INPP5F: variants seen among roughly 807,000 people sequenced by gnomAD.
INPP5F encodes phosphatidylinositide 4-phosphatase SAC2.
A neutral mutation model predicts 137.2 loss-of-function variants in INPP5F; 97 were observed. That is an observed-to-expected ratio of 0.71 (90% CI 0.60 to 0.84). The LOEUF (loss-of-function observed/expected upper bound fraction) is 0.84. Ranked by LOEUF, INPP5F falls within the 40% of genes least tolerant of loss-of-function variation. The pLI, the probability that INPP5F is intolerant of heterozygous loss-of-function variation, is 0.00. For missense variants in INPP5F, 1,271 were observed against 1,371.9 expected (o/e 0.93, Z 1.16); for synonymous variants, 504 against 476.9 (o/e 1.06, Z -0.74).
rs762025144 is a variant in INPP5F at position 119,781,617 on chromosome 10, A to G, written c.179-18A>G. On this transcript the variant is annotated intron_variant, in intron 2 of 19. Transcript: ENST00000650623. ...CACTCTAAAAACGCCAGACTTTATT[A>G]TGACTCTCCTCTTTCAGATCTTCCA... The G allele has an allele frequency of 2.5e-6, 4 of 1,594,254 alleles. No homozygotes were observed. Among genetic ancestry groups the G allele is most frequent in the Non-Finnish European group, 2.6e-6 (3 of 1,167,748 alleles).
chr10:119,754,657 G>T (rs758737424), intron 2 of INPP5F, among the ~76,000 whole-genome samples: 23 of 152,064 alleles, frequency 1.5e-4, no homozygotes, highest in Non-Finnish European at 2.8e-4. Flanking sequence ...AGAGTCGGGA[G>T]GAAGCAAAGG....
intron 2 of INPP5F, among the ~76,000 whole-genome samples, chr10:119,759,934 C>CCA (rs1848961443): frequency 6.6e-6 from 1 of 152,124 alleles, no homozygotes; most frequent in African/African-American, 2.4e-5. Context: ...TTCAGAATTT[C>CCA]CCACCTCCCT....
At chr10:119,747,781 T>C (rs2134119490) in intron 1 of INPP5F, among the ~76,000 whole-genome samples, 1 of 152,334 alleles carries the variant, frequency 6.6e-6, no homozygotes, top group East Asian at 1.9e-4. Flanking sequence ...TTAAATGTTT[T>C]CTTTGAGGAA....
At chr10:119,740,918 TA>T (rs1323433674) in intron 1 of INPP5F, among the ~76,000 whole-genome samples, 1 of 152,246 alleles carries the variant, frequency 6.6e-6, no homozygotes, top group Non-Finnish European at 1.5e-5. Flanking sequence ...CCTGGAGTTT[TA>T]AATACATACA....
chr10:119,819,365 T>C (rs993842690), intron 15 of INPP5F: 10 of 1,314,278 alleles, frequency 7.6e-6, no homozygotes, highest in Non-Finnish European at 9.8e-6. Flanking sequence ...GTGCTTTTTG[T>C]TAAGGACATA....
rs763685967 is a variant in INPP5F at position 119,828,503 on chromosome 10, A to G, written c.*723A>G. The stretch of plus-strand genomic sequence containing the variant: ...TGTTTTCAGGAATGTAAGAACACCC[A>G]TATTGGCTACTGGAAATTCTAGAAG... On this transcript the variant is annotated 3_prime_UTR_variant, in exon 20 of 20. Coordinates refer to ENST00000650623, the MANE Select transcript of INPP5F (RefSeq NM_014937.4). The G allele has an allele frequency of 2.0e-5, 3 of 152,184 alleles. No individual in the cohort carries two copies. Among genetic ancestry groups the G allele is most frequent in the Admixed American group, 6.5e-5 (1 of 15,282 alleles). 9.4% of individuals were successfully genotyped at this position (152,184 alleles called of 1,614,324 possible). A position where few individuals can be genotyped will look rare whatever the true frequency, so the allele number is the denominator to read the frequency against.
At chr10:119,796,087 G>T (rs1457441363) in intron 6 of INPP5F, among the ~76,000 whole-genome samples, 1 of 149,456 alleles carries the variant, frequency 6.7e-6, no homozygotes, top group Non-Finnish European at 1.5e-5. Flanking sequence ...AGAGGGGGAG[G>T]GGGAGGGGGA....
At chr10:119,754,781 C>T (rs1848789675) in intron 2 of INPP5F, among the ~76,000 whole-genome samples, 1 of 150,958 alleles carries the variant, frequency 6.6e-6, no homozygotes, top group South Asian at 2.1e-4. Context: ...CCTCATCTGT[C>T]CTCAGGGATG....
At chr10:119,743,477 A>G (rs1261388653) in intron 1 of INPP5F, among the ~76,000 whole-genome samples, 8 of 152,154 alleles carry the variant, frequency 5.3e-5, no homozygotes. Flanking sequence ...GGGGATCCAC[A>G]CGAGAGAGTC....
At chr10:119,750,436 G>C (rs1848659805) in intron 1 of INPP5F, among the ~76,000 whole-genome samples, 1 of 152,184 alleles carries the variant, frequency 6.6e-6, no homozygotes, top group Non-Finnish European at 1.5e-5. Flanking sequence ...TGTGTGTCTA[G>C]AATGGAACCA....
chr10:119,827,750 A>C lies in INPP5F; in HGVS notation c.3369A>C (p.Ile1123=), dbSNP rs748288097. 10 of 1,611,568 alleles carry C rather than the reference A, an allele frequency of 6.2e-6. No individual in the cohort carries two copies. Among genetic ancestry groups the C allele is most frequent in the Non-Finnish European group, 8.5e-6 (10 of 1,178,494 alleles). The change falls in exon 20 of 20, where the codon ATA becomes ATC. Residue 1123 remains isoleucine (I), a synonymous_variant. Coordinates refer to ENST00000650623, the MANE Select transcript of INPP5F (RefSeq NM_014937.4). The stretch of plus-strand genomic sequence containing the variant: ...AAAATGAACTTAAAAAGATGTTTAT[A>C]CAATGCCAGACACGGATAATTCAGA... ...VQQNELKKMF[I]QCQTRIIQI
intron 15 of INPP5F, among the ~76,000 whole-genome samples, chr10:119,813,832 T>TA (rs1463002466): frequency 2.0e-5 from 3 of 152,144 alleles, no homozygotes; most frequent in African/African-American, 4.8e-5. Flanking sequence ...CACTGTCTCT[T>TA]AAAAAAAGTC....
chr10:119,793,938 A>C (rs1850235489), intron 6 of INPP5F, among the ~76,000 whole-genome samples: 1 of 152,232 alleles, frequency 6.6e-6, no homozygotes. Context: ...GATCCACTGC[A>C]ACTGACCAGA....
chr10:119,774,597 G>A (rs1849462760), intron 2 of INPP5F, among the ~76,000 whole-genome samples: 1 of 151,688 alleles, frequency 6.6e-6, no homozygotes, highest in African/African-American at 2.4e-5. Context: ...GCCTCCCAAA[G>A]TGCTGGAAGT....
chr10:119,812,441 G>A (rs1851081265), intron 15 of INPP5F, among the ~76,000 whole-genome samples: 1 of 150,896 alleles, frequency 6.6e-6, no homozygotes, highest in Admixed American at 6.6e-5. Context: ...ATGAATAGTG[G>A]GATCTAAATT....
At chr10:119,759,220 CG>C (rs1418270756) in intron 2 of INPP5F, among the ~76,000 whole-genome samples, 3 of 152,156 alleles carry the variant, frequency 2.0e-5, no homozygotes, top group African/African-American at 7.2e-5. Flanking sequence ...AGGGTTTTGC[CG>C]TGTTGCTCAG....
intron 16 of INPP5F, among the ~76,000 whole-genome samples, chr10:119,821,768 G>T (rs1016060807): frequency 6.6e-6 from 1 of 151,322 alleles, no homozygotes; most frequent in Non-Finnish European, 1.5e-5. Flanking sequence ...GTGTGCACAC[G>T]CGCGCGCATG....
chr10:119,794,925 T>C (rs868766144), intron 6 of INPP5F, among the ~76,000 whole-genome samples: 69 of 69,412 alleles, frequency 9.9e-4, no homozygotes, highest in African/African-American at 1.4e-3. Context: ...CCCTCCCGGA[T>C]GGGGCGGCTG....
chr10:119,808,512 G>C (rs930557993), intron 13 of INPP5F, among the ~76,000 whole-genome samples: 1 of 152,152 alleles, frequency 6.6e-6, no homozygotes, highest in African/African-American at 2.4e-5. Flanking sequence ...TGTCACACAG[G>C]AATTATACTA....
Sources: gnomAD v4.1 joint callset for allele counts (sites outside exome capture counted in the v4.1 genomes callset) on GRCh38, gnomAD v4.1.1 for gene constraint, MANE v1.5 for transcripts, NCBI Gene and HGNC (gene_info 2026-07-23, HGNC 2026-07-21) for gene names.